The following SAMD4A variants were observed in gnomAD, a reference collection of about 807,000 sequenced individuals.
SAMD4A encodes protein Smaug homolog 1.
SAMD4A carries 33 observed loss-of-function variants against 81.3 expected under a neutral mutation model. The observed-to-expected ratio is 0.41, with a 90% CI of 0.31 to 0.54. The LOEUF (loss-of-function observed/expected upper bound fraction) is 0.54. Among genes scored for constraint, SAMD4A ranks in the 20% least tolerant of loss-of-function variants. The probability of loss-of-function intolerance (pLI) is 0.37; values close to 1 mark genes in which losing one functional copy is unlikely to be tolerated. For missense variants in SAMD4A, 854 were observed against 951.1 expected (o/e 0.90, Z 1.34); for synonymous variants, 389 against 382.1 (o/e 1.02, Z -0.21).
At chr14:54,582,471 C>T (rs200785819) in intron 2 of SAMD4A, among the ~76,000 whole-genome samples, 3 of 152,110 alleles carry the variant, frequency 2.0e-5, no homozygotes, top group Admixed American at 6.5e-5. Context: ...GAAGATGCCT[C>T]GTCGTCCCCT....
chr14:54,680,092 T>C lies in SAMD4A; in HGVS notation c.197-21970T>C, dbSNP rs143847566. Among the ~76,000 whole-genome samples the C allele has an allele frequency of 2.0e-3, 305 of 152,338 alleles. 1 individual carries two copies. The highest frequency in any genetic ancestry group is 6.8e-3 in the African/African-American group (283 of 41,588). ...GGCTCATGCCCAATTCCCCCCACCA[T>C]TTATTCCCTTGTTGTGTCTGTTGGA... On this transcript the variant is annotated intron_variant, in intron 2 of 12. Coordinates refer to ENST00000554335, the MANE Select transcript of SAMD4A (RefSeq NM_015589.6).
chr14:54,594,311 A>T (rs983132668), intron 2 of SAMD4A, among the ~76,000 whole-genome samples: 3 of 152,024 alleles, frequency 2.0e-5, no homozygotes, highest in African/African-American at 7.3e-5. Context: ...TAATTGCAGC[A>T]CTTTGGGAGG....
chr14:54,584,208 A>G (rs1371053205), intron 2 of SAMD4A, among the ~76,000 whole-genome samples: 1 of 152,232 alleles, frequency 6.6e-6, no homozygotes, highest in East Asian at 1.9e-4. Context: ...CAAATAAAGC[A>G]TTGCATTATT....
At chr14:54,589,075 G>A (rs1415718214) in intron 2 of SAMD4A, among the ~76,000 whole-genome samples, 2 of 152,152 alleles carry the variant, frequency 1.3e-5, no homozygotes, top group African/African-American at 4.8e-5. Context: ...TGTTTAAACA[G>A]TATATCAAAG....
chr14:54,666,531 G>A (rs1312396848), intron 2 of SAMD4A, among the ~76,000 whole-genome samples: 3 of 152,154 alleles, frequency 2.0e-5, no homozygotes, highest in African/African-American at 4.8e-5. Context: ...GAATAAATCC[G>A]AGTATAAGTG....
At chr14:54,622,880 G>A (rs1034896895) in intron 2 of SAMD4A, among the ~76,000 whole-genome samples, 11 of 152,212 alleles carry the variant, frequency 7.2e-5, no homozygotes, top group Non-Finnish European at 1.3e-4. Flanking sequence ...ATCAGAACCT[G>A]CATTTCAACA....
chr14:54,732,968 T>C (rs2037595495), intron 3 of SAMD4A, among the ~76,000 whole-genome samples: 1 of 152,226 alleles, frequency 6.6e-6, no homozygotes, highest in African/African-American at 2.4e-5. Context: ...GAAAGAAATC[T>C]GAATCCCAGG....
In SAMD4A at chr14:54,568,129, C is replaced by T. The variant is rs750446277; in HGVS notation, c.196+17C>T. The T allele has an allele frequency of 1.7e-4, 251 of 1,451,940 alleles. 1 individual carries two copies. In the East Asian group the frequency reaches 6.9e-3, roughly 40 times the overall value. The allele number at this position is 1,451,940 out of a possible 1,614,324, so 89.9% of individuals were successfully genotyped here. ...ACAGCCCCGGTAAGTGTGCGGCGGC[C>T]GCCGCCGCCGTCCCGCCTGCCCAAC... On this transcript the variant is annotated intron_variant, in intron 2 of 12. Coordinates refer to ENST00000554335, the MANE Select transcript of SAMD4A (RefSeq NM_015589.6).
intron 2 of SAMD4A, among the ~76,000 whole-genome samples, chr14:54,649,173 G>A (rs2035350741): frequency 6.6e-6 from 1 of 152,190 alleles, no homozygotes; most frequent in Admixed American, 6.5e-5. Flanking sequence ...TCCTAGTGAG[G>A]CTGTCGAGTA....
intron 11 of SAMD4A, among the ~76,000 whole-genome samples, chr14:54,782,270 G>C (rs539343610): frequency 6.6e-6 from 1 of 151,914 alleles, no homozygotes; most frequent in Non-Finnish European, 1.5e-5. Context: ...GTTTAAAGGG[G>C]AGCGCTGGAG....
At chr14:54,600,059 G>A (rs1033502795) in intron 2 of SAMD4A, among the ~76,000 whole-genome samples, 2 of 152,204 alleles carry the variant, frequency 1.3e-5, no homozygotes, top group African/African-American at 4.8e-5. Flanking sequence ...CTGCCAGGCT[G>A]GAGTGAGTAA....
chr14:54,714,828 T>C (rs530649619), intron 3 of SAMD4A, among the ~76,000 whole-genome samples: 1 of 152,168 alleles, frequency 6.6e-6, no homozygotes, highest in East Asian at 1.9e-4. Flanking sequence ...GGAAGCCCTA[T>C]GACAAAGCTA....
At chr14:54,709,192 A>C (rs1245448785) in intron 3 of SAMD4A, among the ~76,000 whole-genome samples, 1 of 151,972 alleles carries the variant, frequency 6.6e-6, no homozygotes, top group Non-Finnish European at 1.5e-5. Context: ...AGGGAGGATC[A>C]CTTGAGCCTG....
chr14:54,702,819 C>T, intron 3 of SAMD4A: 1 of 485,364 alleles, frequency 2.1e-6, no homozygotes, highest in Non-Finnish European at 3.7e-6. Context: ...TATAAACAGA[C>T]CAAAAATAAA....
chr14:54,660,490 G>A (rs191585311), intron 2 of SAMD4A, among the ~76,000 whole-genome samples: 2 of 152,322 alleles, frequency 1.3e-5, no homozygotes, highest in Admixed American at 1.3e-4. Flanking sequence ...TCCCCTTGTG[G>A]GGAGCAGGAG....
At chr14:54,635,055 A>G (rs1462746782) in intron 2 of SAMD4A, among the ~76,000 whole-genome samples, 1 of 152,232 alleles carries the variant, frequency 6.6e-6, no homozygotes, top group Non-Finnish European at 1.5e-5. Context: ...ATTTGTAGAT[A>G]AAAGTGAGTC....
At chr14:54,606,232 CGTGT>C (rs1204916389) in intron 2 of SAMD4A, among the ~76,000 whole-genome samples, 1 of 151,192 alleles carries the variant, frequency 6.6e-6, no homozygotes, top group Non-Finnish European at 1.5e-5. Context: ...TGCACGTGCA[CGTGT>C]GCGCTCATTT....
intron 2 of SAMD4A, among the ~76,000 whole-genome samples, chr14:54,619,108 G>A (rs1259014211): frequency 1.3e-5 from 2 of 152,034 alleles, no homozygotes; most frequent in African/African-American, 4.8e-5. Context: ...TCTTAACAAT[G>A]ATTTAAAATA....
intron 2 of SAMD4A, among the ~76,000 whole-genome samples, chr14:54,625,763 G>A (rs1434981145): frequency 3.3e-5 from 5 of 152,150 alleles, no homozygotes; most frequent in African/African-American, 9.7e-5. Flanking sequence ...ACCTTGTGCA[G>A]CTTTGCTCAC....
Sources: allele counts gnomAD v4.1 joint callset (sites outside exome capture counted in the v4.1 genomes callset), GRCh38; gene constraint gnomAD v4.1.1; transcripts MANE v1.5; gene names NCBI Gene and HGNC (gene_info 2026-07-23, HGNC 2026-07-21).